The following SVEP1 variants were observed in gnomAD, a reference collection of about 807,000 sequenced individuals.
SVEP1 encodes the protein sushi, von Willebrand factor type A, EGF and pentraxin domain-containing protein 1.
In SVEP1, 164 loss-of-function variants were observed where a neutral mutation model predicts 367.3. The observed-to-expected ratio is 0.45, with a 90% CI of 0.39 to 0.51. The LOEUF (loss-of-function observed/expected upper bound fraction) is 0.51. SVEP1 is among the 20% of genes least tolerant of loss of function. The pLI is 0.00. For synonymous variants in SVEP1, 1,666 were observed against 1,611.6 expected (o/e 1.03, Z -0.81); for missense variants, 4,117 against 4,425.3 (o/e 0.93, Z 1.98).
chr9:110,375,436 C>T lies in SVEP1; in HGVS notation c.10532G>A (p.Gly3511Glu), dbSNP rs1445019156. The change falls in exon 46 of 48, where the codon GGA becomes GAA. Residue 3511 changes from glycine (G) to glutamate (E), a missense_variant. Gly to Glu is a moderately conservative substitution (Grantham distance 98). Around this residue, in one of 4 missense-constraint regions of SVEP1, gnomAD observed 1,765 missense variants for 1,781.1 expected, o/e 0.99. Coordinates refer to ENST00000374469, the MANE Select transcript of SVEP1 (RefSeq NM_153366.4). ...CTGGTAAGGGGCCACACAGCGACCT[C>T]CGTTCAGACAGGGAAGAATGCAGAT... is the stretch of plus-strand genomic sequence containing the variant. ...EPICILPCLN[G>E]GRCVAPYQCD... 4 of 1,362,368 alleles carry T rather than the reference C, an allele frequency of 2.9e-6. No homozygotes were observed. The highest frequency in any genetic ancestry group is 1.6e-5 in the African/African-American group (1 of 64,290). The allele number at this position is 1,362,368 out of a possible 1,614,324, so 84.4% of individuals were successfully genotyped here. A position where few individuals can be genotyped will look rare whatever the true frequency, so the allele number is the denominator to read the frequency against.
At chr9:110,556,714 C>G (rs926073092) in intron 1 of SVEP1, among the ~76,000 whole-genome samples, 1 of 152,120 alleles carries the variant, frequency 6.6e-6, no homozygotes, top group Non-Finnish European at 1.5e-5. Context: ...GTCTTGAACT[C>G]CTGACCTCAG....
rs1410049 is a variant in SVEP1, at chr9:110,404,417, T to A, written c.9576A>T (p.Val3192=). 0.55 allele frequency: 890,240 copies of A among 1,613,680 alleles called. 249,800 individuals are homozygous for A. Among genetic ancestry groups the A allele is most frequent in the African/African-American group, 0.79 (59,173 of 74,972 alleles). ...TATTCACACTGAAATCGTCCCCATG[T>A]ACAAGTATATGTGTTATGTTTTCCG... ...PLPENITHIL[V]HGDDFSVNRQ... Residue 3192 remains valine, a synonymous_variant, in exon 39 of 48, where the codon GTA becomes GTT. Transcript: ENST00000374469.
rs369891980 is a variant in SVEP1 at position 110,411,265 on chromosome 9, G to A, written c.6446C>T (p.Pro2149Leu). 20 of 1,613,884 alleles carry A rather than the reference G, an allele frequency of 1.2e-5. No individual in the cohort carries two copies. Among genetic ancestry groups the A allele is most frequent in the Non-Finnish European group, 1.6e-5 (19 of 1,179,894 alleles). ...TGCATAGCCATTCATGATGCTTGGT[G>A]GCTCTCCACACCGCACAGGGATGCA... is the stretch of plus-strand genomic sequence containing the variant. ...IQCIPVRCGEPPSIMNGYASG... is the reference protein window; with the variant it reads ...IQCIPVRCGELPSIMNGYASG... The change falls in exon 37 of 48, where the codon CCA (proline) becomes CTA (leucine). Residue 2149 changes from proline to leucine, a missense_variant. Pro to Leu is a moderately conservative substitution (Grantham distance 98, BLOSUM62 -3). This residue lies in a region of SVEP1 where 1,765 missense variants were observed against 1,781.1 expected (regional missense o/e 0.99). Coordinates refer to ENST00000374469, the MANE Select transcript of SVEP1 (RefSeq NM_153366.4).
intron 1 of SVEP1, among the ~76,000 whole-genome samples, chr9:110,558,293 T>A (rs1405545212): frequency 7.3e-6 from 1 of 137,290 alleles, no homozygotes; most frequent in African/African-American, 2.7e-5. Flanking sequence ...GCCCAGGAGT[T>A]CAAGACCAGG....
chr9:110,385,965 C>T lies in SVEP1; in HGVS notation c.10170G>A (p.Leu3390=). The part of the protein sequence containing the change: ...VSIKCREGFL[L]QGHGIITCNP... ...TGCAGGTAATGATGCCGTGGCCCTG[C>T]AGCAGAAAACCTTCCCTACATTTGA... is the stretch of plus-strand genomic sequence containing the variant. Residue 3390 remains leucine, a synonymous_variant, in exon 43 of 48, where the codon CTG becomes CTA. Transcript: ENST00000374469. 6.2e-7 allele frequency: 1 copy of T among 1,613,920 alleles called. No individual in the cohort carries two copies. Among genetic ancestry groups the T allele is most frequent in the South Asian group, 1.1e-5 (1 of 91,076 alleles).
chr9:110,408,663 T>G lies in SVEP1; in HGVS notation c.6937A>C (p.Lys2313Gln), dbSNP rs1827994041. 7 of 1,614,016 alleles carry G rather than the reference T, an allele frequency of 4.3e-6. No individual in the cohort carries two copies. The East Asian group carries it at 1.6e-4, about 36-fold the overall frequency. The change falls in exon 38 of 48, where the codon AAG becomes CAG. Residue 2313 changes from lysine to glutamine, a missense_variant. Coordinates refer to ENST00000374469, the MANE Select transcript of SVEP1 (RefSeq NM_153366.4). ...TCQKSGKWNK[K>Q]SNPKCMPAKC... ...GCAGGCATGCACTTTGGATTTGACTTCTTATTCCATTTGCCAGATTTCTGA... is the reference window on the plus strand; with the variant it reads ...GCAGGCATGCACTTTGGATTTGACTGCTTATTCCATTTGCCAGATTTCTGA...
intron 1 of SVEP1, among the ~76,000 whole-genome samples, chr9:110,556,363 T>G (rs1438962806): frequency 6.6e-6 from 1 of 152,184 alleles, no homozygotes; most frequent in East Asian, 1.9e-4. Flanking sequence ...TGTTTGCTCT[T>G]GGGCTGCATT....
At chr9:110,449,925 G>C (rs2095294) in intron 24 of SVEP1, 134 bp downstream of exon 24, 1 of 1,029,804 alleles carries the variant, frequency 9.7e-7, no homozygotes, top group Non-Finnish European at 1.4e-6. Context: ...GGAATATTCA[G>C]CTGTAGCCTA....
In SVEP1 at chr9:110,404,246, G is replaced by C. The variant is rs377221275; in HGVS notation, c.9666+81C>G. 9.1e-6 allele frequency: 12 copies of C among 1,316,712 alleles called. No homozygotes were observed. In the African/African-American group the frequency reaches 1.8e-4, roughly 20 times the overall value. 81.6% of individuals were successfully genotyped at this position (1,316,712 alleles called of 1,614,324 possible). On this transcript the variant is annotated intron_variant, in intron 39 of 47. Transcript: ENST00000374469. ...AACTTCAGACTTTTTTTTCTTTTTG[G>C]GATTACTATTATAGATACTGCTTGC...
intron 43 of SVEP1, among the ~76,000 whole-genome samples, chr9:110,382,193 G>C (rs1332277478): frequency 6.6e-6 from 1 of 151,116 alleles, no homozygotes; most frequent in African/African-American, 2.5e-5. Flanking sequence ...TGTACTTCAG[G>C]GTGTTTTTTG....
intron 1 of SVEP1, among the ~76,000 whole-genome samples, chr9:110,563,475 A>C (rs1158210154): frequency 6.6e-6 from 1 of 152,230 alleles, no homozygotes; most frequent in African/African-American, 2.4e-5. Flanking sequence ...AAAGACTTTT[A>C]ATGGTTACCC....
intron 2 of SVEP1, among the ~76,000 whole-genome samples, chr9:110,546,716 C>G (rs1395702263): frequency 1.3e-5 from 2 of 152,160 alleles, no homozygotes; most frequent in Non-Finnish European, 2.9e-5. Context: ...ACAAAGCCAC[C>G]ATCCTGATCA....
chr9:110,384,908 T>C (rs1313072710), intron 43 of SVEP1, among the ~76,000 whole-genome samples: 1 of 152,186 alleles, frequency 6.6e-6, no homozygotes, highest in Non-Finnish European at 1.5e-5. Flanking sequence ...ATATGTTAAT[T>C]GATTACTGTA....
At chr9:110,434,583 T>A in intron 29 of SVEP1, 77 bp from the exon 30 acceptor site, 1 of 1,433,614 alleles carries the variant, frequency 7.0e-7, no homozygotes. Flanking sequence ...TTTCAAACTG[T>A]ATTCTGTATC....
At chr9:110,493,055 T>C (rs2151686) in intron 8 of SVEP1, among the ~76,000 whole-genome samples, 11,368 of 152,040 alleles carry the variant, frequency 0.075, 575 homozygotes, top group Non-Finnish European at 0.1. Flanking sequence ...TGACATAGGC[T>C]GAAAGGGGAG....
chr9:110,427,742 T>C lies in SVEP1; in HGVS notation c.5824A>G (p.Ile1942Val), dbSNP rs747028563. ...ATGCCAGAAGCCGTGCATTCAATAA[T>C]GGAAGGGCCCTGTAAGCTGCGGGAA... ...DTGYSLQGPS[I>V]IECTASGIWD... The change falls in exon 36 of 48, where the codon ATT becomes GTT. Residue 1942 changes from isoleucine (I) to valine (V), a missense_variant. Physicochemically the swap from Ile to Val is conservative, Grantham distance 29. This residue lies in a region of SVEP1 where 2,174 missense variants were observed against 2,494.3 expected (regional missense o/e 0.87). Coordinates refer to ENST00000374469, the MANE Select transcript of SVEP1 (RefSeq NM_153366.4). 1.2e-6 allele frequency: 2 copies of C among 1,612,772 alleles called. No homozygotes were observed. Among genetic ancestry groups the C allele is most frequent in the East Asian group, 2.2e-5 (1 of 44,832 alleles).
At chr9:110,485,658 T>A (rs1401764949) in intron 9 of SVEP1, among the ~76,000 whole-genome samples, 1 of 152,212 alleles carries the variant, frequency 6.6e-6, no homozygotes, top group African/African-American at 2.4e-5. Flanking sequence ...ACATCTGAAG[T>A]GTTCTTATTA....
At position 110,406,688 on chromosome 9, in the gene SVEP1, A is replaced by G; in HGVS notation, c.8912T>C (p.Ile2971Thr). ...NGFSFIHGGH[I>T]QYQCFPGYKL... is the part of the protein sequence containing the mutation. The stretch of plus-strand genomic sequence containing the variant: ...ATAACCAGGAAAGCACTGATACTGT[A>G]TATGGCCCCCATGAATAAAGGAAAA... The change falls in exon 38 of 48, where the codon ATA becomes ACA. Residue 2971 changes from isoleucine (I) to threonine (T), a missense_variant. Physicochemically the swap from Ile to Thr is moderately conservative, Grantham distance 89 (BLOSUM62 -1). Transcript: ENST00000374469. 1 of 1,614,046 alleles carries G rather than the reference A, an allele frequency of 6.2e-7. No individual in the cohort carries two copies. Among genetic ancestry groups the G allele is most frequent in the Non-Finnish European group, 8.5e-7 (1 of 1,179,904 alleles).
intron 34 of SVEP1, 102 bp downstream of exon 34, chr9:110,429,818 G>A (rs1335291509): frequency 1.1e-5 from 10 of 885,536 alleles, no homozygotes; most frequent in African/African-American, 1.0e-4. Flanking sequence ...ATTCAAAAAT[G>A]TCCTCTGCAA....
Sources: gnomAD v4.1 joint callset for allele counts (sites outside exome capture counted in the v4.1 genomes callset) on GRCh38, gnomAD v4.1.1 for gene constraint, gnomAD v4.1.1 regional missense constraint, MANE v1.5 for transcripts, NCBI Gene and HGNC (gene_info 2026-07-23, HGNC 2026-07-21) for gene names.